Variants in HS3ST6 observed in about 807,000 individuals in gnomAD.
HS3ST6 encodes the protein heparan sulfate-glucosamine 3-sulfotransferase 6, also known as heparan sulfate glucosamine 3-O-sulfotransferase 6.
Under a neutral mutation model 11.0 loss-of-function variants are expected in HS3ST6, and 13 were observed. That is an observed-to-expected ratio of 1.18 (90% CI 0.77 to 1.88). The LOEUF (loss-of-function observed/expected upper bound fraction) is 1.88. Ranked by LOEUF, HS3ST6 falls within the 40% of genes most tolerant of loss-of-function variation. HS3ST6 has a pLI of 0.00. For synonymous variants in HS3ST6, 232 were observed against 230.6 expected (o/e 1.01, Z -0.06); for missense variants, 541 against 494.4 (o/e 1.09, Z -0.89).
upstream of HS3ST6, among the ~76,000 whole-genome samples, chr16:1,920,037 T>C (rs2575367): frequency 0.33 from 34,124 of 103,472 alleles, 4,653 homozygotes; most frequent in South Asian, 0.5. Context: ...TCAGGAGTCC[T>C]CACGGTCTCA....
upstream of HS3ST6, among the ~76,000 whole-genome samples, chr16:1,920,818 G>T (rs896506315): frequency 6.6e-6 from 1 of 152,228 alleles, no homozygotes; most frequent in Non-Finnish European, 1.5e-5. Flanking sequence ...GCAGCACTGG[G>T]GCTGTTCATT....
At position 1,918,141 on chromosome 16, in the gene HS3ST6, G is replaced by A; in HGVS notation, c.183C>T (p.Ala61=). The change falls in exon 1 of 2, where the codon GCC becomes GCT. Residue 61 remains alanine, a synonymous_variant. Coordinates refer to ENST00000454677, the MANE Select transcript of HS3ST6 (RefSeq NM_001009606.4). The surrounding 1 kb of genome is among the most constrained non-coding windows in gnomAD (Gnocchi z 6.0). The part of the protein sequence containing the change: ...CPPAARAPAP[A]PAPSEPSSSV... Reference sequence around the variant, plus strand: ...AGCTGGACGGCTCGGAGGGCGCGGGGGCCGGCGCGGGGGCGCGGGCGGCCG... The same window carrying A: ...AGCTGGACGGCTCGGAGGGCGCGGGAGCCGGCGCGGGGGCGCGGGCGGCCG... 1 of 1,196,040 alleles carries A rather than the reference G, an allele frequency of 8.4e-7. No individual in the cohort carries two copies. The allele number at this position is 1,196,040 out of a possible 1,614,324, so 74.1% of individuals were successfully genotyped here.
At chr16:1,915,540 G>A (rs1232243033) in intron 1 of HS3ST6, among the ~76,000 whole-genome samples, 1 of 152,148 alleles carries the variant, frequency 6.6e-6, no homozygotes, top group Non-Finnish European at 1.5e-5. Flanking sequence ...CCTCCCAAAG[G>A]GCTGGGATTA....
Position 1,911,962 on chromosome 16 carries a change from G to A in HS3ST6, c.657C>T (p.Ala219=), listed in dbSNP as rs1438600850. 5 of 1,567,400 alleles carry A rather than the reference G, an allele frequency of 3.2e-6. No homozygotes were observed. In the East Asian group the frequency reaches 1.1e-4, roughly 35 times the overall value. The change falls in exon 2 of 2, where the codon GCC becomes GCT. Residue 219 remains alanine, a synonymous_variant. Coordinates refer to ENST00000454677, the MANE Select transcript of HS3ST6 (RefSeq NM_001009606.4). ...ACAGGCCGATGCGGACGGCGCTCCA[G>A]GCTGTGTCCACGGGGCCCAGGCCGT... The part of the protein sequence containing the change: ...FRHGLGPVDT[A]WSAVRIGLYA...
At chr16:1,916,401 C>T (rs8059871) in intron 1 of HS3ST6, among the ~76,000 whole-genome samples, 57,878 of 150,866 alleles carry the variant, frequency 0.38, 11,202 homozygotes, top group South Asian at 0.54. Context: ...CCCCTCCAAC[C>T]CTGGGCACGT....
intron 1 of HS3ST6, among the ~76,000 whole-genome samples, chr16:1,917,582 C>T (rs2082934398): frequency 6.6e-6 from 1 of 152,178 alleles, no homozygotes; most frequent in Non-Finnish European, 1.5e-5. Context: ...ATTTCTGACG[C>T]TGCCAGGTAA....
intron 1 of HS3ST6, among the ~76,000 whole-genome samples, chr16:1,917,409 G>T (rs1436361314): frequency 1.3e-5 from 2 of 152,282 alleles, no homozygotes; most frequent in Non-Finnish European, 2.9e-5. Flanking sequence ...ACTTTCTCCG[G>T]ACTCCCAGGA....
chr16:1,920,111 CGGTCTCAGCCGTCCCCAT>C (rs1567300788), upstream of HS3ST6, among the ~76,000 whole-genome samples: 3 of 96,662 alleles, frequency 3.1e-5, no homozygotes, highest in African/African-American at 7.6e-5. Flanking sequence ...GGAGTCCCCA[CGGTCTCAGCCGTCCCCAT>C]GGTCTCAGCC....
Position 1,912,020 on chromosome 16 carries a change from C to T in HS3ST6, c.599G>A (p.Gly200Asp). ...DYAQTLSKTP[G>D]LPSFRALAFR... is the part of the protein sequence containing the mutation. ...GGCCAGGGCGCGGAAGCTGGGCAGG[C>T]CCGGGGTCTTGGAGAGCGTCTGGGC... Residue 200 changes from glycine (G) to aspartate (D), a missense_variant, in exon 2 of 2, where the codon GGC (glycine) becomes GAC (aspartate). Transcript: ENST00000454677. This position sits in a 1 kb window ranked among gnomAD's most constrained non-coding sequence, Gnocchi z 5.6. 6.5e-7 allele frequency: 1 copy of T among 1,527,622 alleles called. No homozygotes were observed. The highest frequency in any genetic ancestry group is 1.3e-5 in the South Asian group (1 of 76,928). The allele number at this position is 1,527,622 out of a possible 1,614,324, so 94.6% of individuals were successfully genotyped here. A position where few individuals can be genotyped will look rare whatever the true frequency, so the allele number is the denominator to read the frequency against.
At position 1,912,336 on chromosome 16, in the gene HS3ST6, C is replaced by A. The variant is rs1386840368; in HGVS notation, c.414-131G>T. On this transcript the variant is annotated intron_variant, in intron 1 of 1. Transcript: ENST00000454677. The surrounding 1 kb of genome is among the most constrained non-coding windows in gnomAD (Gnocchi z 5.6). ...CAGGGCGAGCAAGTCTTCCTCCCTGCTCGGGCCCACCCCTGCTAGCGTGCG... is the reference window on the plus strand; with the variant it reads ...CAGGGCGAGCAAGTCTTCCTCCCTGATCGGGCCCACCCCTGCTAGCGTGCG... 2 of 815,814 alleles carry A rather than the reference C, an allele frequency of 2.5e-6. No homozygotes were observed. The highest frequency in any genetic ancestry group is 8.1e-5 in the Admixed American group (2 of 24,738). The allele number at this position is 815,814 out of a possible 1,614,324, so 50.5% of individuals were successfully genotyped here.
chr16:1,913,665 C>T (rs922081805), intron 1 of HS3ST6, among the ~76,000 whole-genome samples: 13 of 152,172 alleles, frequency 8.5e-5, no homozygotes, highest in African/African-American at 3.1e-4. Context: ...CTTCCCCCAC[C>T]CCTGCTGACA....
intron 1 of HS3ST6, among the ~76,000 whole-genome samples, chr16:1,915,973 C>T (rs1431852958): frequency 6.6e-6 from 1 of 152,222 alleles, no homozygotes; most frequent in Non-Finnish European, 1.5e-5. Context: ...CGCCTCCCCG[C>T]GTCGGCACCC....
chr16:1,912,941 G>A lies in HS3ST6; in HGVS notation c.414-736C>T, dbSNP rs549953803. Among the ~76,000 whole-genome samples the A allele has an allele frequency of 6.2e-4, 94 of 152,138 alleles. 1 individual carries two copies. Among genetic ancestry groups the A allele is most frequent in the African/African-American group, 1.7e-3 (72 of 41,518 alleles). ...GGAGTAGCTGGGATTACAGGTGCCC[G>A]CCACCACACCCAGCTAATTTTTGTA... On this transcript the variant is annotated intron_variant, in intron 1 of 1. Transcript: ENST00000454677. The surrounding 1 kb of genome is among the most constrained non-coding windows in gnomAD (Gnocchi z 5.6).
At chr16:1,920,451 AGTCTCAGCCATCCCCACG>A (rs2082958172), upstream of HS3ST6, among the ~76,000 whole-genome samples, 1 of 74,924 alleles carries the variant, frequency 1.3e-5, no homozygotes, top group Non-Finnish European at 2.8e-5. Context: ...CCGTCCCCAC[AGTCTCAGCCATCCCCACG>A]GTCTCAGCAG....
chr16:1,917,788 A>G, intron 1 of HS3ST6, 123 bp downstream of exon 1: 1 of 746,538 alleles, frequency 1.3e-6, no homozygotes. Context: ...GGCGGTCCCA[A>G]CCCCACTGCC....
At chr16:1,914,657 G>A (rs541102427) in intron 1 of HS3ST6, among the ~76,000 whole-genome samples, 3 of 152,256 alleles carry the variant, frequency 2.0e-5, no homozygotes, top group East Asian at 1.9e-4. Flanking sequence ...AGTTCACCCT[G>A]CCAGGCCTTC....
In HS3ST6 at chr16:1,913,592, C is replaced by T. The variant is rs536513159; in HGVS notation, c.414-1387G>A. On this transcript the variant is annotated intron_variant, in intron 1 of 1. Transcript: ENST00000454677. ...AACTAGGTCGATAGAAACACAGGGACTGTGTTAGGGAGGGGATGCCTTGCC... is the reference window on the plus strand; with the variant it reads ...AACTAGGTCGATAGAAACACAGGGATTGTGTTAGGGAGGGGATGCCTTGCC... Among the ~76,000 whole-genome samples, 749 of 152,266 alleles carry T rather than the reference C, an allele frequency of 4.9e-3. 3 individuals carry two copies. The highest frequency in any genetic ancestry group is 0.017 in the African/African-American group (705 of 41,562).
In HS3ST6 at chr16:1,912,253, G is replaced by C. The variant is rs780726540; in HGVS notation, c.414-48C>G. 7.6e-7 allele frequency: 1 copy of C among 1,317,382 alleles called. No individual in the cohort carries two copies. 81.6% of individuals were successfully genotyped at this position (1,317,382 alleles called of 1,614,324 possible). On this transcript the variant is annotated intron_variant, in intron 1 of 1. Coordinates refer to ENST00000454677, the MANE Select transcript of HS3ST6 (RefSeq NM_001009606.4). This position sits in a 1 kb window ranked among gnomAD's most constrained non-coding sequence, Gnocchi z 5.6. ...GGGGGCCTGAGCCTCCCCAGCCCTAGACCGGCCCCCAGGGGCCCGGGACCA... is the reference window on the plus strand; with the variant it reads ...GGGGGCCTGAGCCTCCCCAGCCCTACACCGGCCCCCAGGGGCCCGGGACCA...
upstream of HS3ST6, among the ~76,000 whole-genome samples, chr16:1,918,673 G>T (rs2082944410): frequency 6.6e-6 from 1 of 151,934 alleles, no homozygotes; most frequent in Non-Finnish European, 1.5e-5. This position sits in a 1 kb window ranked among gnomAD's most constrained non-coding sequence, Gnocchi z 6.0. Flanking sequence ...GGATGCGGCG[G>T]CGGTGGCCGT....
Sources: gnomAD v4.1 joint callset for allele counts (sites outside exome capture counted in the v4.1 genomes callset) on GRCh38, gnomAD v4.1.1 for gene constraint, Gnocchi (gnomAD v3.1) non-coding constraint, MANE v1.5 for transcripts, NCBI Gene and HGNC (gene_info 2026-07-23, HGNC 2026-07-21) for gene names.